PCDH15: variants seen among roughly 807,000 people sequenced by gnomAD.
The protein encoded by PCDH15 is protocadherin-15.
Under a neutral mutation model 178.5 loss-of-function variants are expected in PCDH15, and 129 were observed. The ratio of observed to expected loss-of-function variants is 0.72; its 90% CI spans 0.63 to 0.84. The LOEUF (loss-of-function observed/expected upper bound fraction) is 0.84. Ranked by LOEUF, PCDH15 falls within the 40% of genes least tolerant of loss-of-function variation. PCDH15 has a pLI of 0.00. For missense variants in PCDH15, 2,230 were observed against 2,099.9 expected (o/e 1.06, Z -1.21); for synonymous variants, 800 against 732.0 (o/e 1.09, Z -1.50).
chr10:53,872,941 A>C (rs2079976273), intron 26 of PCDH15, among the ~76,000 whole-genome samples: 1 of 152,190 alleles, frequency 6.6e-6, no homozygotes, highest in Non-Finnish European at 1.5e-5. Flanking sequence ...CTCTCACTGA[A>C]GGTACTTATG....
At chr10:54,392,468 C>CAAAA (rs71007849) in intron 3 of PCDH15, among the ~76,000 whole-genome samples, 28 of 66,102 alleles carry the variant, frequency 4.2e-4, no homozygotes, top group African/African-American at 8.6e-4. Context: ...GAGGCTGTCT[C>CAAAA]AAAAAAAAAA....
At chr10:54,627,093 G>C (rs1171263906) in intron 2 of PCDH15, among the ~76,000 whole-genome samples, 1 of 152,146 alleles carries the variant, frequency 6.6e-6, no homozygotes, top group Non-Finnish European at 1.5e-5. Context: ...CCCAACGACT[G>C]TATCTGCATT....
At chr10:54,705,988 G>A (rs920294537) in intron 1 of PCDH15, among the ~76,000 whole-genome samples, 12 of 152,114 alleles carry the variant, frequency 7.9e-5, no homozygotes, top group African/African-American at 2.9e-4. Flanking sequence ...AAAAAGAGAA[G>A]AGCATATTGA....
chr10:55,135,826 C>T (rs913085591), intron 2 of PCDH15, among the ~76,000 whole-genome samples: 5 of 151,914 alleles, frequency 3.3e-5, no homozygotes, highest in South Asian at 2.1e-4. Context: ...TAAGATGATC[C>T]GCCCACCTCA....
At chr10:55,305,207 C>T (rs1843389231) in intron 1 of PCDH15, among the ~76,000 whole-genome samples, 2 of 152,306 alleles carry the variant, frequency 1.3e-5, no homozygotes, top group Middle Eastern at 3.4e-3. Flanking sequence ...GGTAACAGAA[C>T]AAGGAGTCAA....
At chr10:54,061,286 T>C (rs988828968) in intron 18 of PCDH15, among the ~76,000 whole-genome samples, 4 of 152,208 alleles carry the variant, frequency 2.6e-5, no homozygotes, top group African/African-American at 9.6e-5. Flanking sequence ...ACAAATCCTC[T>C]AGATTCTATC....
intron 3 of PCDH15, among the ~76,000 whole-genome samples, chr10:54,816,395 A>C (rs965193869): frequency 1.1e-4 from 16 of 152,192 alleles, no homozygotes; most frequent in Admixed American, 4.6e-4. Flanking sequence ...ACACAGTTAC[A>C]AAGTTAGAAG....
chr10:54,632,366 C>T (rs980560946), intron 2 of PCDH15, among the ~76,000 whole-genome samples: 7 of 152,034 alleles, frequency 4.6e-5, no homozygotes, highest in Non-Finnish European at 8.8e-5. Context: ...ATCAATCATA[C>T]CCCAAAACTC....
At chr10:55,603,163 T>A (rs944315186) in intron 2 of PCDH15, among the ~76,000 whole-genome samples, 1 of 151,562 alleles carries the variant, frequency 6.6e-6, no homozygotes, top group Non-Finnish European at 1.5e-5. Context: ...ATGAATGAAA[T>A]GAAGCGAGAA....
chr10:54,700,132 G>A (rs2095289412), intron 1 of PCDH15, among the ~76,000 whole-genome samples: 1 of 152,036 alleles, frequency 6.6e-6, no homozygotes, highest in Admixed American at 6.6e-5. Context: ...AGATCTTCCA[G>A]AGACAAAGTC....
intron 1 of PCDH15, among the ~76,000 whole-genome samples, chr10:54,770,049 G>A (rs1003625125): frequency 3.9e-5 from 6 of 151,942 alleles, no homozygotes; most frequent in African/African-American, 1.2e-4. Context: ...GCATTTTAAC[G>A]GCTTAATAGC....
At chr10:54,713,099 T>A (rs17592418) in intron 1 of PCDH15, among the ~76,000 whole-genome samples, 18,499 of 151,998 alleles carry the variant, frequency 0.12, 1,253 homozygotes, top group African/African-American at 0.17. Flanking sequence ...ATTCCTTCAA[T>A]GCCTTGGCAT....
chr10:55,396,005 C>T (rs972489720), intron 2 of PCDH15, among the ~76,000 whole-genome samples: 2 of 152,050 alleles, frequency 1.3e-5, no homozygotes, highest in Non-Finnish European at 2.9e-5. Flanking sequence ...GCTATATAAG[C>T]TAGCATAGTA....
chr10:54,747,493 CAA>C (rs1945616686), intron 1 of PCDH15, among the ~76,000 whole-genome samples: 1 of 152,136 alleles, frequency 6.6e-6, no homozygotes, highest in Admixed American at 6.5e-5. Flanking sequence ...CTTACACCTA[CAA>C]AGAGGAAAAT....
chr10:53,815,103 T>C (rs2076014779), intron 35 of PCDH15, among the ~76,000 whole-genome samples: 1 of 152,198 alleles, frequency 6.6e-6, no homozygotes, highest in Admixed American at 6.5e-5. Context: ...AGTTGATGAA[T>C]TCTAGATTTT....
In PCDH15 at chr10:54,731,563, TACAC is replaced by T. The variant is rs1159070523; in HGVS notation, c.-28-67277_-28-67274del. 1.0e-4 allele frequency among the ~76,000 whole-genome samples: 5 copies of T among 49,926 alleles called. 1 individual carries two copies. The highest frequency in any genetic ancestry group is 1.9e-4 in the African/African-American group (3 of 15,438). The allele number at this position is 49,926 out of a possible 152,430, so 32.8% of individuals were successfully genotyped here. Reference sequence around the variant, plus strand: ...TGAGATAGATATATATATATATATATACACACACACACACACACACACACACACA... The same window carrying T: ...TGAGATAGATATATATATATATATATACACACACACACACACACACACACA... On this transcript the variant is annotated intron_variant, in intron 1 of 37. Coordinates refer to ENST00000644397, the MANE Select transcript of PCDH15 (RefSeq NM_001384140.1).
At chr10:54,400,947 G>C (rs1589223450) in intron 3 of PCDH15, among the ~76,000 whole-genome samples, 1 of 151,904 alleles carries the variant, frequency 6.6e-6, no homozygotes, top group South Asian at 2.1e-4. Flanking sequence ...TTGTAGTAAA[G>C]GGAACATAGC....
intron 2 of PCDH15, among the ~76,000 whole-genome samples, chr10:55,604,361 C>G (rs1843158488): frequency 6.7e-6 from 1 of 150,144 alleles, no homozygotes; most frequent in Admixed American, 6.7e-5. Context: ...ACAAGGATAC[C>G]CAGGAATTGA....
rs1041254676 is a variant in PCDH15, at chr10:54,870,801, TAAAAAAATA to T, written c.-29+26640_-29+26648del. ...ACTCCCTCTCAAAAAAATAAAAAAA[TAAAAAAATA>T]AAAAAAAAATCCACGGAAAAATATC... On this transcript the variant is annotated intron_variant, in intron 3 of 5. Coordinates refer to the PCDH15 transcript ENST00000458638. 2.2e-3 allele frequency among the ~76,000 whole-genome samples: 22 copies of T among 9,862 alleles called. No individual in the cohort carries two copies. The East Asian group carries it at 0.22, about 100-fold the overall frequency. The allele number at this position is 9,862 out of a possible 152,430, so 6.5% of individuals were successfully genotyped here.
Sources: gnomAD v4.1 joint callset for allele counts (sites outside exome capture counted in the v4.1 genomes callset) on GRCh38, gnomAD v4.1.1 for gene constraint, MANE v1.5 for transcripts, NCBI Gene and HGNC (gene_info 2026-07-23, HGNC 2026-07-21) for gene names.